Variants in IFT74 observed in about 807,000 individuals in gnomAD.
The protein encoded by IFT74 is intraflagellar transport 74, also known as intraflagellar transport protein 74 homolog.
A neutral mutation model predicts 96.7 loss-of-function variants in IFT74; 92 were observed. The ratio of observed to expected loss-of-function variants is 0.95; its 90% CI spans 0.80 to 1.13. IFT74 has a LOEUF of 1.13. Ranked by LOEUF, IFT74 falls within the 50% of genes most tolerant of loss-of-function variation. The pLI is 0.00. For synonymous variants in IFT74, 223 were observed against 213.2 expected (o/e 1.05, Z -0.40); for missense variants, 811 against 698.2 (o/e 1.16, Z -1.82).
intron 2 of IFT74, among the ~76,000 whole-genome samples, chr9:26,971,816 T>A (rs114214615): frequency 1.3e-5 from 2 of 152,138 alleles, no homozygotes; most frequent in African/African-American, 4.8e-5. Context: ...TTTTTTTCAA[T>A]GTATGAGCCA....
intron 13 of IFT74, among the ~76,000 whole-genome samples, chr9:27,037,374 G>A (rs1025503612): frequency 9.2e-5 from 14 of 152,200 alleles, no homozygotes; most frequent in Non-Finnish European, 4.4e-5. Context: ...GTTGAAGAGA[G>A]TGAGAGGAAG....
At chr9:26,963,123 A>G (rs1826442364) in intron 2 of IFT74, among the ~76,000 whole-genome samples, 1 of 151,958 alleles carries the variant, frequency 6.6e-6, no homozygotes, top group East Asian at 1.9e-4. Context: ...CGCACCCCAC[A>G]ACAGTCCCCA....
At chr9:27,013,511 T>C (rs1365914583) in intron 10 of IFT74, among the ~76,000 whole-genome samples, 1 of 152,248 alleles carries the variant, frequency 6.6e-6, no homozygotes, top group Non-Finnish European at 1.5e-5. Context: ...TTCCAACTTT[T>C]ACTTCTAGAT....
At chr9:26,965,313 C>T (rs1223399579) in intron 2 of IFT74, among the ~76,000 whole-genome samples, 1 of 152,120 alleles carries the variant, frequency 6.6e-6, no homozygotes, top group African/African-American at 2.4e-5. Context: ...CAACCTCCTA[C>T]AGTAGGCTAA....
At chr9:27,047,087 C>T (rs1226852090) in intron 14 of IFT74, among the ~76,000 whole-genome samples, 187 bp from the exon 15 acceptor site, 2 of 152,154 alleles carry the variant, frequency 1.3e-5, no homozygotes, top group African/African-American at 4.8e-5. Context: ...GCAGGAGAAT[C>T]CCTTGAACCC....
At chr9:27,012,536 A>G (rs1829135095) in intron 10 of IFT74, among the ~76,000 whole-genome samples, 3 of 152,062 alleles carry the variant, frequency 2.0e-5, no homozygotes, top group Non-Finnish European at 4.4e-5. Context: ...CAATTTAAAG[A>G]CACATACACA....
intron 11 of IFT74, among the ~76,000 whole-genome samples, chr9:27,018,424 T>C (rs563857993): frequency 2.4e-4 from 37 of 152,290 alleles, no homozygotes; most frequent in African/African-American, 8.7e-4. Context: ...GCTGTGAGTA[T>C]ATCAGTTACT....
intron 7 of IFT74, 116 bp from the exon 8 acceptor site, chr9:26,990,018 G>A (rs1261940084): frequency 2.1e-6 from 1 of 470,324 alleles, no homozygotes; most frequent in Non-Finnish European, 3.8e-6. Context: ...AACTTTGTAT[G>A]TGGCACTAGG....
At chr9:27,002,196 A>C (rs145997721) in intron 8 of IFT74, among the ~76,000 whole-genome samples, 3,413 of 152,238 alleles carry the variant, frequency 0.022, 62 homozygotes, top group Non-Finnish European at 0.036. Flanking sequence ...CAGTGATGCC[A>C]TTTTGGCTCA....
chr9:27,001,356 T>A (rs894654029), intron 8 of IFT74, among the ~76,000 whole-genome samples: 1 of 151,968 alleles, frequency 6.6e-6, no homozygotes, highest in African/African-American at 2.4e-5. Context: ...ATGTAAGTGT[T>A]ATATTTTTAG....
chr9:26,976,789 A>G (rs1173672752), intron 2 of IFT74: 3 of 456,118 alleles, frequency 6.6e-6, no homozygotes, highest in Non-Finnish European at 1.3e-5. Flanking sequence ...GCCTGTATGT[A>G]TTATATGAAC....
rs1820517371 is a variant in IFT74, at chr9:27,063,557, T to A, written c.*821T>A. On this transcript the variant is annotated 3_prime_UTR_variant, in exon 20 of 20. Transcript: ENST00000380062. ...AGAGTCTGGAAGACATTATATTAAC[T>A]GTAGATGTATCTTCTCTTATCGTGC... 1.3e-5 allele frequency among the ~76,000 whole-genome samples: 2 copies of A among 152,104 alleles called. No homozygotes were observed. The highest frequency in any genetic ancestry group is 2.9e-5 in the Non-Finnish European group (2 of 67,962).
At chr9:26,994,117 C>T (rs1425478483) in intron 8 of IFT74, 1 of 152,174 alleles carries the variant, frequency 6.6e-6, no homozygotes, top group African/African-American at 2.4e-5. Context: ...TATTGAACTA[C>T]GAGCTCTTAG....
rs781115456 is a variant in IFT74, at chr9:27,017,031, G to T, written c.914G>T (p.Arg305Ile). 1 of 1,605,408 alleles carries T rather than the reference G, an allele frequency of 6.2e-7. No individual in the cohort carries two copies. The highest frequency in any genetic ancestry group is 1.7e-5 in the Admixed American group (1 of 57,926). ...AGCATAGGATCTCCAATGGAAGAGA[G>T]AGAGAAATTACTTAAGCAGGTGGGC... ...DKSIGSPMEE[R>I]EKLLKQIKDD... Residue 305 changes from arginine to isoleucine, a missense_variant, in exon 11 of 20, where the codon AGA (arginine) becomes ATA (isoleucine). By Grantham distance (97) the Arg-to-Ile change is moderately conservative. Transcript: ENST00000380062.
intron 13 of IFT74, chr9:27,036,805 C>A (rs1324175334): frequency 2.8e-6 from 3 of 1,081,890 alleles, no homozygotes; most frequent in Non-Finnish European, 3.4e-6. Context: ...TGAAAAGTGG[C>A]GTGTGATTTA....
chr9:26,962,529 T>C (rs1274636479), intron 2 of IFT74, among the ~76,000 whole-genome samples: 1 of 152,226 alleles, frequency 6.6e-6, no homozygotes, highest in Non-Finnish European at 1.5e-5. Context: ...ATTTAGTTAA[T>C]GATTAATGTG....
intron 8 of IFT74, chr9:26,993,554 A>T (rs1163792931): frequency 6.6e-6 from 1 of 152,548 alleles, no homozygotes; most frequent in Non-Finnish European, 1.5e-5. Context: ...TGAATTTACT[A>T]ATTATGTAAC....
intron 2 of IFT74, among the ~76,000 whole-genome samples, chr9:26,962,934 T>C (rs113030045): frequency 1.4e-5 from 2 of 144,702 alleles, no homozygotes; most frequent in South Asian, 2.3e-4. Flanking sequence ...TAATTTTTTT[T>C]TTTTTCTTTT....
intron 16 of IFT74, among the ~76,000 whole-genome samples, chr9:27,052,507 C>CAAAAAA (rs1187027414): frequency 1.7e-5 from 1 of 57,196 alleles, no homozygotes; most frequent in Non-Finnish European, 3.5e-5. Flanking sequence ...AAATCTATCT[C>CAAAAAA]AAAAAAAAAA....
Sources: gnomAD v4.1 joint callset for allele counts (sites outside exome capture counted in the v4.1 genomes callset) on GRCh38, gnomAD v4.1.1 for gene constraint, MANE v1.5 for transcripts, NCBI Gene and HGNC (gene_info 2026-07-23, HGNC 2026-07-21) for gene names.